Variants in ZC3H11A observed in about 807,000 individuals in gnomAD.
ZC3H11A encodes zinc finger CCCH-type containing 11A, also known as zinc finger CCCH domain-containing protein 11A.
ZC3H11A carries 22 observed loss-of-function variants against 90.8 expected under a neutral mutation model. The observed-to-expected ratio is 0.24, with a 90% confidence interval of 0.17 to 0.35. The LOEUF (loss-of-function observed/expected upper bound fraction) is 0.35, where lower values mean the gene tolerates loss of function less well. Ranked by LOEUF, ZC3H11A falls within the 10% of genes least tolerant of loss-of-function variation. ZC3H11A has a pLI of 1.00. For missense variants in ZC3H11A, 701 were observed against 964.9 expected (o/e 0.73, Z 3.62); for synonymous variants, 294 against 339.8 (o/e 0.87, Z 1.48).
At chr1:203,841,683 G>A (rs1686261393) in intron 12 of ZC3H11A, among the ~76,000 whole-genome samples, 1 of 152,168 alleles carries the variant, frequency 6.6e-6, no homozygotes, top group Non-Finnish European at 1.5e-5. Flanking sequence ...CCTCCCAGAC[G>A]GGGTGGTGGC....
chr1:203,844,123 C>T (rs1263517021), intron 12 of ZC3H11A, among the ~76,000 whole-genome samples: 2 of 152,120 alleles, frequency 1.3e-5, no homozygotes, highest in African/African-American at 2.4e-5. Flanking sequence ...TCCCAAAGTG[C>T]TGGGATTACA....
Position 203,834,689 on chromosome 1 carries a change from G to A in ZC3H11A, c.874+836G>A, listed in dbSNP as rs140685350. On this transcript the variant is annotated intron_variant, in intron 10 of 17. Transcript: ENST00000367210. ...TTTGAAACGAGAGTCTTGCTCTGTC[G>A]CCCACGCTGGCGTGCACTGGCACAA... Among the ~76,000 whole-genome samples the A allele has an allele frequency of 2.9e-3, 445 of 151,364 alleles. 5 individuals carry two copies. The highest frequency in any genetic ancestry group is 9.8e-3 in the African/African-American group (403 of 41,198).
chr1:203,838,466 G>T (rs542431321), intron 11 of ZC3H11A, among the ~76,000 whole-genome samples: 1 of 152,334 alleles, frequency 6.6e-6, no homozygotes, highest in South Asian at 2.1e-4. Flanking sequence ...TGAAGTTCGA[G>T]AGCCAGAGAC....
rs33926996 is a variant in ZC3H11A, at chr1:203,809,172, GTT to G, written c.-146+6176_-146+6177del. Among the ~76,000 whole-genome samples the G allele has an allele frequency of 3.4e-4, 28 of 83,258 alleles. No individual in the cohort carries two copies. The South Asian group carries it at 5.8e-3, about 17-fold the overall frequency. The allele number at this position is 83,258 out of a possible 152,430, so 54.6% of individuals were successfully genotyped here. On this transcript the variant is annotated intron_variant, in intron 2 of 17. Coordinates refer to ENST00000367210, the MANE Select transcript of ZC3H11A (RefSeq NM_001376342.1). ...TTTGAAGCTTTGTTTTCTTCTCACT[GTT>G]TTTTTTTTTTTTTTTTTTTGAGATG...
intron 9 of ZC3H11A, 83 bp from the exon 10 acceptor site, chr1:203,833,708 A>G: frequency 1.7e-6 from 2 of 1,155,138 alleles, no homozygotes; most frequent in South Asian, 2.0e-5. Context: ...CACTAATATC[A>G]GAACATACTT....
At chr1:203,843,331 C>T (rs1459735935) in intron 12 of ZC3H11A, among the ~76,000 whole-genome samples, 2 of 152,068 alleles carry the variant, frequency 1.3e-5, no homozygotes, top group Non-Finnish European at 2.9e-5. Context: ...CTCTAGAAAA[C>T]ATTAATTTCT....
chr1:203,843,267 T>C (rs2103315061), intron 12 of ZC3H11A, among the ~76,000 whole-genome samples: 2 of 152,138 alleles, frequency 1.3e-5, no homozygotes, highest in South Asian at 2.1e-4. Flanking sequence ...ACTGATTCAG[T>C]AAATACATAA....
intron 10 of ZC3H11A, among the ~76,000 whole-genome samples, chr1:203,837,264 C>T (rs990835644): frequency 6.9e-6 from 1 of 145,420 alleles, no homozygotes; most frequent in Admixed American, 7.0e-5. Flanking sequence ...GCACTCCAGC[C>T]TGGGTGACAG....
At position 203,850,041 on chromosome 1, in the gene ZC3H11A, A is replaced by G. The variant is rs1487292722; in HGVS notation, c.1939+15A>G. ...AAGGGGTAAAGGCAAGTATTTCTAT[A>G]CTGTGTATTGCTTTAGGTTATCAAA... On this transcript the variant is annotated intron_variant, in intron 15 of 17. Coordinates refer to ENST00000367210, the MANE Select transcript of ZC3H11A (RefSeq NM_001376342.1). 1 of 1,613,178 alleles carries G rather than the reference A, an allele frequency of 6.2e-7. No homozygotes were observed. Among genetic ancestry groups the G allele is most frequent in the Non-Finnish European group, 8.5e-7 (1 of 1,179,688 alleles).
At chr1:203,821,857 A>G (rs566839360) in intron 4 of ZC3H11A, among the ~76,000 whole-genome samples, 3 of 151,496 alleles carry the variant, frequency 2.0e-5, no homozygotes, top group African/African-American at 7.3e-5. Flanking sequence ...TCATTGGTTC[A>G]CACCATTCTC....
At position 203,829,559 on chromosome 1, in the gene ZC3H11A, G is replaced by A. The variant is rs1353817681; in HGVS notation, c.407G>A (p.Arg136Gln). ...SVQSNPSPQL[R>Q]SVMKVESSEN... is the part of the protein sequence containing the mutation. ...CAGTCCAATCCTTCCCCTCAGCTGC[G>A]GAGCGTTATGAAAGTAGAAAGTTCC... The change falls in exon 6 of 18, where the codon CGG (arginine) becomes CAG (glutamine). Residue 136 changes from arginine to glutamine, a missense_variant. Coordinates refer to ENST00000367210, the MANE Select transcript of ZC3H11A (RefSeq NM_001376342.1). 6.2e-7 allele frequency: 1 copy of A among 1,613,990 alleles called. No individual in the cohort carries two copies. The highest frequency in any genetic ancestry group is 8.5e-7 in the Non-Finnish European group (1 of 1,179,960).
rs1310541817 is a variant in ZC3H11A at position 203,853,644 on chromosome 1, A to C, written c.*1245A>C. Reference sequence around the variant, plus strand: ...TGTTTCTCATAGGGAAATCTGACCCACCTGTCATGTTGGCTCCTAAGGAAC... The same window carrying C: ...TGTTTCTCATAGGGAAATCTGACCCCCCTGTCATGTTGGCTCCTAAGGAAC... On this transcript the variant is annotated 3_prime_UTR_variant, in exon 18 of 18. Coordinates refer to ENST00000367210, the MANE Select transcript of ZC3H11A (RefSeq NM_001376342.1). The C allele has an allele frequency of 6.6e-6, 1 of 152,650 alleles. No individual in the cohort carries two copies. The highest frequency in any genetic ancestry group is 1.5e-5 in the Non-Finnish European group (1 of 68,042). The allele number at this position is 152,650 out of a possible 1,614,324, so 9.5% of individuals were successfully genotyped here. A position where few individuals can be genotyped will look rare whatever the true frequency, so the allele number is the denominator to read the frequency against.
intron 1 of ZC3H11A, chr1:203,799,669 T>C (rs1220653939): frequency 2.8e-6 from 2 of 705,792 alleles, no homozygotes; most frequent in East Asian, 2.7e-5. Context: ...CTACCCCTAA[T>C]CCATCATCTA....
At chr1:203,829,057 GAAA>G (rs1681437553) in intron 5 of ZC3H11A, among the ~76,000 whole-genome samples, 1 of 152,106 alleles carries the variant, frequency 6.6e-6, no homozygotes, top group African/African-American at 2.4e-5. Flanking sequence ...CAATTTAAGG[GAAA>G]AAAGTAGACT....
intron 12 of ZC3H11A, among the ~76,000 whole-genome samples, chr1:203,843,263 T>C (rs573986658): frequency 2.6e-5 from 4 of 152,222 alleles, no homozygotes; most frequent in Admixed American, 6.5e-5. Context: ...AAATACTGAT[T>C]CAGTAAATAC....
rs1668167325 is a variant in ZC3H11A at position 203,795,718 on chromosome 1, C to A, written c.-1664C>A. On this transcript the variant is annotated 5_prime_UTR_variant, in exon 1 of 18. Coordinates refer to ENST00000367210, the MANE Select transcript of ZC3H11A (RefSeq NM_001376342.1). ...CTGGGAGGACGACGGACGGCAGCGG[C>A]CAAGCAAGAAGAAAGACGTGGCAGC... 1.3e-5 allele frequency: 2 copies of A among 152,312 alleles called. No homozygotes were observed. The highest frequency in any genetic ancestry group is 6.5e-5 in the Admixed American group (1 of 15,308). The allele number at this position is 152,312 out of a possible 1,614,324, so 9.4% of individuals were successfully genotyped here.
chr1:203,840,310 A>C lies in ZC3H11A; in HGVS notation c.978A>C (p.Gln326His), dbSNP rs1304148910. The change falls in exon 12 of 18, where the codon CAA (glutamine) becomes CAC (histidine). Residue 326 changes from glutamine to histidine, a missense_variant. By Grantham distance (24) the Gln-to-His change is conservative (BLOSUM62 0). Around this residue, in one of 4 missense-constraint regions of ZC3H11A, gnomAD observed 530 missense variants for 696.2 expected, o/e 0.76. Transcript: ENST00000367210. ...TGAAAATCTTTCTTTTCACAGCTCAAGTTTCCAAGTCTCTTAAGGAGCGAT... is the reference window on the plus strand; with the variant it reads ...TGAAAATCTTTCTTTTCACAGCTCACGTTTCCAAGTCTCTTAAGGAGCGAT... Reference protein sequence around the residue: ...TNIDKTPKKAQVSKSLKERLG... With the variant: ...TNIDKTPKKAHVSKSLKERLG... 1.2e-6 allele frequency: 2 copies of C among 1,611,808 alleles called. No individual in the cohort carries two copies. Among genetic ancestry groups the C allele is most frequent in the Non-Finnish European group, 1.7e-6 (2 of 1,178,862 alleles).
intron 9 of ZC3H11A, among the ~76,000 whole-genome samples, chr1:203,833,364 C>CAA (rs34277550): frequency 7.6e-4 from 54 of 71,100 alleles, no homozygotes; most frequent in African/African-American, 2.2e-3. Context: ...GACTCTGTCT[C>CAA]AAAAAAAAAA....
intron 4 of ZC3H11A, among the ~76,000 whole-genome samples, chr1:203,823,897 A>C (rs1034544711): frequency 5.3e-5 from 8 of 152,198 alleles, no homozygotes; most frequent in African/African-American, 1.9e-4. Flanking sequence ...TTAAAGGGGA[A>C]ACTAATTTAT....
Sources: allele counts gnomAD v4.1 joint callset (sites outside exome capture counted in the v4.1 genomes callset), GRCh38; gene constraint gnomAD v4.1.1; regional missense constraint gnomAD v4.1.1; transcripts MANE v1.5; gene names NCBI Gene and HGNC (gene_info 2026-07-23, HGNC 2026-07-21).